Variants in ZNF827 observed in about 807,000 individuals in gnomAD.
The protein encoded by ZNF827 is zinc finger protein 827.
In ZNF827, 13 loss-of-function variants were observed where a neutral mutation model predicts 102.4. That is an observed-to-expected ratio of 0.13 (90% CI 0.08 to 0.20). The LOEUF (loss-of-function observed/expected upper bound fraction) is 0.20. ZNF827 is among the 10% of genes least tolerant of loss of function. The pLI, the probability that ZNF827 is intolerant of heterozygous loss-of-function variation, is 1.00. For missense variants in ZNF827, 1,103 were observed against 1,344.4 expected (o/e 0.82, Z 2.81); for synonymous variants, 523 against 536.2 (o/e 0.98, Z 0.34).
chr4:145,897,650 C>T (rs1376226167), intron 2 of ZNF827, among the ~76,000 whole-genome samples: 1 of 152,066 alleles, frequency 6.6e-6, no homozygotes, highest in Non-Finnish European at 1.5e-5. Context: ...AATGGATGTC[C>T]CTGGGTTTAT....
intron 8 of ZNF827, among the ~76,000 whole-genome samples, chr4:145,783,224 T>G (rs563109355): frequency 6.6e-6 from 1 of 152,214 alleles, no homozygotes; most frequent in Admixed American, 6.5e-5. Flanking sequence ...CTCTGCTACA[T>G]AAGAGGTGCT....
intron 8 of ZNF827, among the ~76,000 whole-genome samples, chr4:145,795,179 A>G (rs1740249409): frequency 6.6e-6 from 1 of 151,950 alleles, no homozygotes; most frequent in Non-Finnish European, 1.5e-5. Context: ...ACTAAGTCTC[A>G]CTCCCTCGCC....
chr4:145,890,652 A>G (rs1408410967), intron 3 of ZNF827, among the ~76,000 whole-genome samples: 5 of 152,224 alleles, frequency 3.3e-5, no homozygotes, highest in African/African-American at 1.2e-4. Context: ...AATAGTAACT[A>G]AAACAAATTT....
intron 2 of ZNF827, among the ~76,000 whole-genome samples, chr4:145,898,528 C>T (rs563305263): frequency 6.6e-6 from 1 of 152,266 alleles, no homozygotes; most frequent in African/African-American, 2.4e-5. Context: ...TTAGCTGCAA[C>T]AGAACAGTAG....
intron 11 of ZNF827, among the ~76,000 whole-genome samples, chr4:145,771,358 C>A (rs1234840627): frequency 6.6e-6 from 1 of 152,128 alleles, no homozygotes; most frequent in Non-Finnish European, 1.5e-5. Context: ...ATTCTATTTT[C>A]TTCAGGCTTT....
rs1274403210 is a variant in ZNF827 at position 145,758,648 on chromosome 4, C to T, written c.*2968G>A. ...CCCAGTATTCTTGGAGTGTATTGTC[C>T]ATAACTATCTATAGTGTCTTTTACT... On this transcript the variant is annotated 3_prime_UTR_variant, in exon 15 of 15. Transcript: ENST00000508784. 1 of 152,220 alleles carries T rather than the reference C, an allele frequency of 6.6e-6. No homozygotes were observed. Among genetic ancestry groups the T allele is most frequent in the African/African-American group, 2.4e-5 (1 of 41,444 alleles). 9.4% of individuals were successfully genotyped at this position (152,220 alleles called of 1,614,324 possible).
intron 8 of ZNF827, among the ~76,000 whole-genome samples, chr4:145,789,891 T>C (rs564657507): frequency 6.6e-6 from 1 of 152,304 alleles, no homozygotes; most frequent in East Asian, 1.9e-4. Context: ...GGAGAGAGAA[T>C]GGTGGAATTT....
At chr4:145,890,275 A>G (rs904978644) in intron 3 of ZNF827, among the ~76,000 whole-genome samples, 5 of 152,230 alleles carry the variant, frequency 3.3e-5, no homozygotes, top group Admixed American at 6.5e-5. Flanking sequence ...TCATAGCTCA[A>G]CAGGTTAGGA....
chr4:145,770,681 T>C (rs1736144976), intron 11 of ZNF827, among the ~76,000 whole-genome samples: 1 of 152,318 alleles, frequency 6.6e-6, no homozygotes, highest in East Asian at 1.9e-4. Context: ...AAAAAATTCT[T>C]GAAAATATTT....
In ZNF827 at chr4:145,825,522, C is replaced by T. The variant is rs114574506; in HGVS notation, c.2280-1997G>A. On this transcript the variant is annotated intron_variant, in intron 7 of 14. Coordinates refer to ENST00000508784, the MANE Select transcript of ZNF827 (RefSeq NM_001306215.2). Reference sequence around the variant, plus strand: ...ACGTGGTGATGCTGGTGGCCAATGTCGCCAGCCAGCAGCGACACTTGCAGG... The same window carrying T: ...ACGTGGTGATGCTGGTGGCCAATGTTGCCAGCCAGCAGCGACACTTGCAGG... Among the ~76,000 whole-genome samples, 1,435 of 152,268 alleles carry T rather than the reference C, an allele frequency of 9.4e-3. 12 individuals are homozygous for T. Among genetic ancestry groups the T allele is most frequent in the Middle Eastern group, 0.017 (5 of 294 alleles).
chr4:145,875,947 C>T lies in ZNF827; in HGVS notation c.1748-5469G>A, dbSNP rs539336470. On this transcript the variant is annotated intron_variant, in intron 4 of 14. Coordinates refer to ENST00000508784, the MANE Select transcript of ZNF827 (RefSeq NM_001306215.2). Reference sequence around the variant, plus strand: ...ATTAATTTAAAATTTAAGTTCAAAGCGTGCATCATCCACTGCATTATATAT... The same window carrying T: ...ATTAATTTAAAATTTAAGTTCAAAGTGTGCATCATCCACTGCATTATATAT... 1.4e-4 allele frequency among the ~76,000 whole-genome samples: 21 copies of T among 152,278 alleles called. No individual in the cohort carries two copies. The South Asian group carries it at 1.7e-3, about 12-fold the overall frequency.
chr4:145,914,311 G>T (rs981512888), intron 1 of ZNF827, among the ~76,000 whole-genome samples: 1 of 152,130 alleles, frequency 6.6e-6, no homozygotes, highest in East Asian at 1.9e-4. Flanking sequence ...GCTGCAAGGA[G>T]GCAGCTTCCC....
rs1215822730 is a variant in ZNF827, at chr4:145,775,828, G to C, written c.2654C>G (p.Ser885Cys). Residue 885 changes from serine to cysteine, a missense_variant, in exon 10 of 15, where the codon TCT becomes TGT. Physicochemically the swap from Ser to Cys is moderately radical, Grantham distance 112. Around this residue, in one of 5 missense-constraint regions of ZNF827, gnomAD observed 242 missense variants for 361.9 expected, o/e 0.67. Transcript: ENST00000508784. ...DTEDIVSAVT[S>C]EGSDGKKHPY... ...ATGTTTCTTCCCATCACTGCCTTCA[G>C]AGGTGACGGCGCTGACAATGTCCTC... 6.2e-7 allele frequency: 1 copy of C among 1,614,198 alleles called. No individual in the cohort carries two copies. The highest frequency in any genetic ancestry group is 1.1e-5 in the South Asian group (1 of 91,076).
chr4:145,823,439 C>A lies in ZNF827; in HGVS notation c.2366G>T (p.Gly789Val). The A allele has an allele frequency of 6.2e-7, 1 of 1,613,856 alleles. No homozygotes were observed. The highest frequency in any genetic ancestry group is 1.1e-5 in the South Asian group (1 of 91,046). Residue 789 changes from glycine (G) to valine (V), a missense_variant, in exon 8 of 15, where the codon GGA becomes GTA. Coordinates refer to ENST00000508784, the MANE Select transcript of ZNF827 (RefSeq NM_001306215.2). Reference protein sequence around the residue: ...ELLPSDSVLHGRISAPETEKI... With the variant: ...ELLPSDSVLHVRISAPETEKI... ...TTCCATACCTGGAGCTGATATTCTTCCGTGCAGCACGGAGTCACTGGGCAG... is the reference window on the plus strand; with the variant it reads ...TTCCATACCTGGAGCTGATATTCTTACGTGCAGCACGGAGTCACTGGGCAG...
chr4:145,826,526 GAT>G (rs1743694169), intron 7 of ZNF827, among the ~76,000 whole-genome samples: 1 of 152,152 alleles, frequency 6.6e-6, no homozygotes, highest in African/African-American at 2.4e-5. Context: ...AGTACAATAA[GAT>G]ATTTTGAGAG....
chr4:145,764,033 G>A, intron 13 of ZNF827, among the ~76,000 whole-genome samples: 1 of 152,140 alleles, frequency 6.6e-6, no homozygotes, highest in East Asian at 1.9e-4. Context: ...ACCCATCTAG[G>A]GGAGTCATGC....
At chr4:145,799,884 GA>G (rs1235108476) in intron 8 of ZNF827, among the ~76,000 whole-genome samples, 1 of 152,168 alleles carries the variant, frequency 6.6e-6, no homozygotes, top group Non-Finnish European at 1.5e-5. Flanking sequence ...AGAATGGCAG[GA>G]TAACAAGAGA....
chr4:145,898,946 T>G (rs1751191773), intron 2 of ZNF827, among the ~76,000 whole-genome samples: 1 of 152,224 alleles, frequency 6.6e-6, no homozygotes, highest in African/African-American at 2.4e-5. Context: ...TATGCTTTTT[T>G]CTTGCGCATT....
chr4:145,780,469 C>A (rs989144501), intron 8 of ZNF827, among the ~76,000 whole-genome samples: 17 of 152,160 alleles, frequency 1.1e-4, no homozygotes, highest in Admixed American at 6.5e-4. Context: ...AAAACAGTGC[C>A]ACAAGTTATC....
Sources: allele counts gnomAD v4.1 joint callset (sites outside exome capture counted in the v4.1 genomes callset), GRCh38; gene constraint gnomAD v4.1.1; regional missense constraint gnomAD v4.1.1; transcripts MANE v1.5; gene names NCBI Gene and HGNC (gene_info 2026-07-23, HGNC 2026-07-21).